Variants in CTNNA2 observed in about 807,000 individuals in gnomAD.
CTNNA2 encodes the protein catenin alpha 2.
In CTNNA2, 42 loss-of-function variants were observed where a neutral mutation model predicts 101.0. That is an observed-to-expected ratio of 0.42 (90% confidence interval 0.32 to 0.54). The LOEUF (loss-of-function observed/expected upper bound fraction) is 0.54. Among genes scored for constraint, CTNNA2 ranks in the 20% least tolerant of loss-of-function variants. The pLI is 0.14. For synonymous variants in CTNNA2, 450 were observed against 456.4 expected (o/e 0.99, Z 0.18); for missense variants, 871 against 1,223.1 (o/e 0.71, Z 4.29).
chr2:79,987,977 G>T (rs1691884105), intron 7 of CTNNA2, among the ~76,000 whole-genome samples: 2 of 152,180 alleles, frequency 1.3e-5, no homozygotes, highest in South Asian at 4.1e-4. Context: ...AAATCTGTGT[G>T]GTTTAAGGGA....
intron 7 of CTNNA2, among the ~76,000 whole-genome samples, chr2:80,210,886 T>A (rs767999399): frequency 6.6e-6 from 1 of 152,212 alleles, no homozygotes; most frequent in Non-Finnish European, 1.5e-5. Flanking sequence ...TGTTGTCTCC[T>A]GACTTTTTAA....
Position 79,818,306 on chromosome 2 carries a change from C to T in CTNNA2, c.299-39707C>T, listed in dbSNP as rs552212808. Reference sequence around the variant, plus strand: ...TTCTTGAATGGATATTGTGATTTACCTTTGTTTTTGTTTTTTGTTTTTTTG... The same window carrying T: ...TTCTTGAATGGATATTGTGATTTACTTTTGTTTTTGTTTTTTGTTTTTTTG... On this transcript the variant is annotated intron_variant, in intron 3 of 18. Transcript: ENST00000402739. Among the ~76,000 whole-genome samples, 10 of 151,528 alleles carry T rather than the reference C, an allele frequency of 6.6e-5. No homozygotes were observed. The South Asian group carries it at 2.1e-3, about 32-fold the overall frequency.
At chr2:80,079,622 G>C (rs1698987679) in intron 7 of CTNNA2, among the ~76,000 whole-genome samples, 1 of 151,992 alleles carries the variant, frequency 6.6e-6, no homozygotes, top group Non-Finnish European at 1.5e-5. Context: ...GCCCATCCTG[G>C]CTAACACGGT....
chr2:80,512,434 TA>T (rs1382766022), intron 9 of CTNNA2, among the ~76,000 whole-genome samples: 1 of 152,126 alleles, frequency 6.6e-6, no homozygotes, highest in African/African-American at 2.4e-5. Context: ...TGTGTAGGTT[TA>T]AAAGATAAAC....
At chr2:79,459,455 G>A (rs1429343890) in intron 4 of CTNNA2, among the ~76,000 whole-genome samples, 1 of 151,926 alleles carries the variant, frequency 6.6e-6, no homozygotes, top group Non-Finnish European at 1.5e-5. Context: ...CATGTCCTGA[G>A]GGATAAGTTT....
intron 1 of CTNNA2, among the ~76,000 whole-genome samples, chr2:79,627,862 G>A (rs549483790): frequency 1.4e-4 from 21 of 152,248 alleles, no homozygotes; most frequent in East Asian, 5.8e-4. Flanking sequence ...TGCCTTAAAA[G>A]TATACTTTTC....
chr2:79,193,097 G>T (rs912569578), intron 1 of CTNNA2, among the ~76,000 whole-genome samples: 7 of 152,000 alleles, frequency 4.6e-5, no homozygotes, highest in Non-Finnish European at 8.8e-5. Context: ...TACACTATAT[G>T]TAAATATTAT....
At chr2:80,518,815 A>T (rs1689299259) in intron 9 of CTNNA2, among the ~76,000 whole-genome samples, 1 of 152,166 alleles carries the variant, frequency 6.6e-6, no homozygotes, top group South Asian at 2.1e-4. Flanking sequence ...AAAAAACTCT[A>T]TAGCCCATTA....
At position 80,162,798 on chromosome 2, in the gene CTNNA2, G is replaced by A. The variant is rs565287926; in HGVS notation, c.1057-230413G>A. Reference sequence around the variant, plus strand: ...TCCACCATATGACATTTGTCTCAAAGCACTGTTCATCACTGCTTGTCTCTG... The same window carrying A: ...TCCACCATATGACATTTGTCTCAAAACACTGTTCATCACTGCTTGTCTCTG... On this transcript the variant is annotated intron_variant, in intron 7 of 18. Coordinates refer to ENST00000402739, the MANE Select transcript of CTNNA2 (RefSeq NM_001282597.3). 333 of 1,588,340 alleles carry A rather than the reference G, an allele frequency of 2.1e-4. 2 individuals are homozygous for A. The South Asian group carries it at 3.3e-3, about 16-fold the overall frequency.
intron 1 of CTNNA2, among the ~76,000 whole-genome samples, chr2:79,616,574 C>A (rs1678634839): frequency 6.6e-6 from 1 of 152,204 alleles, no homozygotes; most frequent in South Asian, 2.1e-4. Flanking sequence ...GTAAAAACCA[C>A]AGCCACCCTC....
chr2:79,699,054 G>A (rs2104744530), intron 2 of CTNNA2, among the ~76,000 whole-genome samples: 1 of 152,138 alleles, frequency 6.6e-6, no homozygotes, highest in East Asian at 1.9e-4. Context: ...GTTAGATTGT[G>A]ATTTGGCTCA....
chr2:79,243,051 G>A (rs550205775), intron 2 of CTNNA2, among the ~76,000 whole-genome samples: 13 of 145,146 alleles, frequency 9.0e-5, no homozygotes, highest in Admixed American at 8.4e-4. Context: ...TGATAAAACA[G>A]ACGCAAAGAA....
chr2:79,829,606 T>C (rs1383350044), intron 3 of CTNNA2, among the ~76,000 whole-genome samples: 1 of 151,918 alleles, frequency 6.6e-6, no homozygotes, highest in Non-Finnish European at 1.5e-5. Flanking sequence ...CCTTCCCCTA[T>C]AAAGTGTCTT....
chr2:79,255,853 A>G (rs1401380079), intron 2 of CTNNA2, among the ~76,000 whole-genome samples: 1 of 152,198 alleles, frequency 6.6e-6, no homozygotes, highest in African/African-American at 2.4e-5. Context: ...TTTATTCCAC[A>G]TTCTACTAAG....
intron 7 of CTNNA2, among the ~76,000 whole-genome samples, chr2:80,319,549 C>T (rs12477838): frequency 0.057 from 8,729 of 152,248 alleles, 362 homozygotes; most frequent in African/African-American, 0.11. Context: ...GAACAAAGTA[C>T]TGTTTACTTT....
At chr2:79,571,099 A>G (rs1675434873) in intron 1 of CTNNA2, among the ~76,000 whole-genome samples, 1 of 152,204 alleles carries the variant, frequency 6.6e-6, no homozygotes, top group Admixed American at 6.5e-5. Context: ...TCACTAAATC[A>G]TTAGAAGCAC....
chr2:80,098,314 A>G (rs1051396508), intron 7 of CTNNA2, among the ~76,000 whole-genome samples: 2 of 152,184 alleles, frequency 1.3e-5, no homozygotes, highest in Non-Finnish European at 2.9e-5. Context: ...GTGGCTGCAG[A>G]ACAGCGGATA....
chr2:79,800,031 A>AT (rs1046299602), intron 3 of CTNNA2, among the ~76,000 whole-genome samples: 16 of 152,100 alleles, frequency 1.1e-4, no homozygotes, highest in African/African-American at 3.9e-4. Flanking sequence ...ATTGCATAAG[A>AT]TTTTTTTCCT....
chr2:80,253,077 A>C (rs1308750697), intron 7 of CTNNA2, among the ~76,000 whole-genome samples: 1 of 152,036 alleles, frequency 6.6e-6, no homozygotes, highest in African/African-American at 2.4e-5. Flanking sequence ...CTCAAACTAT[A>C]CTTTCACATC....
Sources: allele counts gnomAD v4.1 joint callset (sites outside exome capture counted in the v4.1 genomes callset), GRCh38; gene constraint gnomAD v4.1.1; transcripts MANE v1.5; gene names NCBI Gene and HGNC (gene_info 2026-07-23, HGNC 2026-07-21).